The following DTX1 variants were observed in gnomAD, a reference collection of about 807,000 sequenced individuals.
DTX1 encodes E3 ubiquitin-protein ligase DTX1.
DTX1 carries 26 observed loss-of-function variants against 57.8 expected under a neutral mutation model. The observed-to-expected ratio is 0.45, with a 90% CI of 0.33 to 0.62. DTX1 has a LOEUF of 0.62. Among genes scored for constraint, DTX1 ranks in the 20% least tolerant of loss-of-function variants. DTX1 has a pLI of 0.02. For missense variants in DTX1, 704 were observed against 895.3 expected, an observed-to-expected ratio of 0.79 and a Z score of 2.73; for synonymous variants, 398 against 394.1, an observed-to-expected ratio of 1.01 and a Z score of -0.12.
chr12:113,077,690 G>A lies in DTX1; in HGVS notation c.526G>A (p.Ala176Thr). ...RRRLRRRLDLAYPLTVGSIPK... is the reference protein window; with the variant it reads ...RRRLRRRLDLTYPLTVGSIPK... The stretch of plus-strand genomic sequence containing the variant: ...CCGCCTGCGCCGCCGCCTGGACCTC[G>A]CCTACCCGCTCACCGTGGGCTCCAT... The change falls in exon 3 of 10, where the codon GCC becomes ACC. Residue 176 changes from alanine to threonine, a missense_variant. Physicochemically the swap from Ala to Thr is moderately conservative, Grantham distance 58. This residue lies in a region of DTX1 where 237 missense variants were observed against 328.6 expected (regional missense o/e 0.72). Transcript: ENST00000548759. This position sits in a 1 kb window ranked among gnomAD's most constrained non-coding sequence, Gnocchi z 7.8. The A allele has an allele frequency of 6.4e-7, 1 of 1,553,670 alleles. No homozygotes were observed. Among genetic ancestry groups the A allele is most frequent in the Non-Finnish European group, 8.7e-7 (1 of 1,154,948 alleles).
intron 6 of DTX1, among the ~76,000 whole-genome samples, 175 bp from the exon 7 acceptor site, chr12:113,094,614 G>T (rs1950272360): frequency 6.6e-6 from 1 of 152,180 alleles, no homozygotes; most frequent in African/African-American, 2.4e-5. Context: ...TAACGAAGAA[G>T]AAGAAAAGAA....
intron 3 of DTX1, among the ~76,000 whole-genome samples, chr12:113,082,774 T>G (rs570001705): frequency 6.6e-6 from 1 of 152,226 alleles, no homozygotes; most frequent in South Asian, 2.1e-4. Flanking sequence ...TTTTTAAAAT[T>G]TTTTGTAGGG....
rs115945382 is a variant in DTX1, at chr12:113,059,958, G to A, written c.259+1507G>A. The stretch of plus-strand genomic sequence containing the variant: ...CCAGAACATTGCATTGTTGCAGAAA[G>A]TTCTATTACACCATGCTAGTTAGAA... On this transcript the variant is annotated intron_variant, in intron 2 of 9. Transcript: ENST00000548759. 4.6e-3 allele frequency among the ~76,000 whole-genome samples: 653 copies of A among 142,218 alleles called. 7 individuals carry two copies. The highest frequency in any genetic ancestry group is 0.016 in the African/African-American group (618 of 38,242). The allele number at this position is 142,218 out of a possible 152,430, so 93.3% of individuals were successfully genotyped here.
intron 2 of DTX1, among the ~76,000 whole-genome samples, chr12:113,058,879 A>G (rs2044648529): frequency 6.6e-6 from 1 of 152,182 alleles, no homozygotes; most frequent in African/African-American, 2.4e-5. Flanking sequence ...TTGTATTATT[A>G]TGAGTCCCAT....
intron 2 of DTX1, among the ~76,000 whole-genome samples, chr12:113,071,265 G>A (rs558958229): frequency 3.2e-4 from 48 of 152,192 alleles, no homozygotes; most frequent in Non-Finnish European, 6.0e-4. Flanking sequence ...CCCCACACCC[G>A]GTCTCAGGGG....
rs568393183 is a variant in DTX1 at position 113,059,283 on chromosome 12, G to A, written c.259+832G>A. 9.1e-4 allele frequency among the ~76,000 whole-genome samples: 138 copies of A among 152,204 alleles called. 1 individual carries two copies. Among genetic ancestry groups the A allele is most frequent in the African/African-American group, 3.3e-3 (135 of 41,508 alleles). On this transcript the variant is annotated intron_variant, in intron 2 of 9. Coordinates refer to ENST00000548759, the MANE Select transcript of DTX1 (RefSeq NM_004416.3). The stretch of plus-strand genomic sequence containing the variant: ...TGGTGACATTGATAGTTGTGTTGGT[G>A]GTGGTGCTGGAAGTGGTGTGATGGG...
chr12:113,058,264 G>A lies in DTX1; in HGVS notation c.72G>A (p.Arg24=), dbSNP rs756177831. Residue 24 remains arginine (R), a synonymous_variant, in exon 2 of 10, where the codon CGG becomes CGA. Transcript: ENST00000548759. ...GCTTCCCACCGCAGAACGTGGCCCG[G>A]GTGGTGGTGTGGGAGTGGCTGAATG... ...GLGFPPQNVA[R]VVVWEWLNEH... 1.2e-6 allele frequency: 2 copies of A among 1,613,782 alleles called. No individual in the cohort carries two copies. Among genetic ancestry groups the A allele is most frequent in the Non-Finnish European group, 8.5e-7 (1 of 1,180,000 alleles).
In DTX1 at chr12:113,058,357, C is replaced by G. The variant is rs374367644; in HGVS notation, c.165C>G (p.Asp55Glu). The G allele has an allele frequency of 1.9e-6, 3 of 1,612,700 alleles. No homozygotes were observed. The highest frequency in any genetic ancestry group is 2.5e-6 in the Non-Finnish European group (3 of 1,180,032). ...CHHIENVLKE[D>E]ARGSVVLGQV... Reference sequence around the variant, plus strand: ...ACATTGAGAACGTGCTGAAGGAGGACGCTCGCGGTTCCGTGGTCCTGGGGC... The same window carrying G: ...ACATTGAGAACGTGCTGAAGGAGGAGGCTCGCGGTTCCGTGGTCCTGGGGC... Residue 55 changes from aspartate to glutamate, a missense_variant, in exon 2 of 10, where the codon GAC (aspartate) becomes GAG (glutamate). Physicochemically the swap from Asp to Glu is conservative, Grantham distance 45. Around this residue, in one of 3 missense-constraint regions of DTX1, gnomAD observed 237 missense variants for 328.6 expected, o/e 0.72. Transcript: ENST00000548759.
intron 3 of DTX1, among the ~76,000 whole-genome samples, chr12:113,082,116 C>A (rs1371812203): frequency 1.1e-4 from 16 of 152,286 alleles, no homozygotes; most frequent in Admixed American, 3.3e-4. Context: ...TCCTGCCCCT[C>A]CCCTTGGGGA....
At chr12:113,088,292 A>T (rs999133107) in intron 3 of DTX1, among the ~76,000 whole-genome samples, 3 of 152,212 alleles carry the variant, frequency 2.0e-5, no homozygotes, top group Non-Finnish European at 4.4e-5. Context: ...CACTGTGTTG[A>T]GGAGGATTCT....
chr12:113,094,864 C>A lies in DTX1; in HGVS notation c.1303C>A (p.Pro435Thr). Residue 435 changes from proline (P) to threonine (T), a missense_variant, in exon 7 of 10, where the codon CCT becomes ACT. Physicochemically the swap from Pro to Thr is conservative, Grantham distance 38. Transcript: ENST00000548759. ...CGTGCTTCGGCACAAGGGCGTGCGG[C>A]CTGAGCTCGTGGGCCGCCTGGGCCG... ...EGVLRHKGVRPELVGRLGRCG... is the reference protein window; with the variant it reads ...EGVLRHKGVRTELVGRLGRCG... 6.2e-7 allele frequency: 1 copy of A among 1,613,756 alleles called. No individual in the cohort carries two copies.
chr12:113,091,444 T>G (rs1950246189), intron 3 of DTX1, among the ~76,000 whole-genome samples: 1 of 123,818 alleles, frequency 8.1e-6, no homozygotes, highest in South Asian at 2.3e-4. Flanking sequence ...TCTGTGTGTC[T>G]GTGTGTGCAT....
Position 113,093,140 on chromosome 12 carries a change from G to T in DTX1, c.942-22G>T, listed in dbSNP as rs764487338. On this transcript the variant is annotated intron_variant, in intron 3 of 9. Coordinates refer to ENST00000548759, the MANE Select transcript of DTX1 (RefSeq NM_004416.3). This position sits in a 1 kb window ranked among gnomAD's most constrained non-coding sequence, Gnocchi z 4.2. Reference sequence around the variant, plus strand: ...CTTCGGGGGCTGGAGTCCAGCTGCGGCCTCTTCTCTTCTCCCCGCAGGGTC... The same window carrying T: ...CTTCGGGGGCTGGAGTCCAGCTGCGTCCTCTTCTCTTCTCCCCGCAGGGTC... 1 of 1,580,706 alleles carries T rather than the reference G, an allele frequency of 6.3e-7. No homozygotes were observed. Among genetic ancestry groups the T allele is most frequent in the Non-Finnish European group, 8.6e-7 (1 of 1,163,320 alleles).
chr12:113,061,375 A>C (rs61942305), intron 2 of DTX1, among the ~76,000 whole-genome samples: 6,568 of 152,314 alleles, frequency 0.043, 249 homozygotes, highest in Non-Finnish European at 0.074. Context: ...CTCACCAGAT[A>C]TGTGAGGGTT....
chr12:113,090,285 A>G (rs1166674324), intron 3 of DTX1, among the ~76,000 whole-genome samples: 1 of 152,158 alleles, frequency 6.6e-6, no homozygotes, highest in African/African-American at 2.4e-5. Context: ...GCATTCCTAT[A>G]AAAGTATAGA....
At chr12:113,095,540 C>T in intron 9 of DTX1, 126 bp downstream of exon 9, 1 of 1,193,078 alleles carries the variant, frequency 8.4e-7, no homozygotes, top group Non-Finnish European at 1.2e-6. Context: ...AAGCAGCACC[C>T]GAACAGTAAC....
chr12:113,077,854 C>A lies in DTX1; in HGVS notation c.690C>A (p.Pro230=). ...ASQRRKAPPA[P]PLPPPPPPGG... ...AGCGCCGCAAGGCGCCCCCCGCGCC[C>A]CCGCTGCCGCCGCCGCCGCCACCTG... The change falls in exon 3 of 10, where the codon CCC becomes CCA. Residue 230 remains proline (P), a synonymous_variant. Transcript: ENST00000548759. This position sits in a 1 kb window ranked among gnomAD's most constrained non-coding sequence, Gnocchi z 7.8. 1 of 1,321,462 alleles carries A rather than the reference C, an allele frequency of 7.6e-7. No individual in the cohort carries two copies. Among genetic ancestry groups the A allele is most frequent in the Admixed American group, 4.1e-5 (1 of 24,490 alleles). 81.9% of individuals were successfully genotyped at this position (1,321,462 alleles called of 1,614,324 possible). A position where few individuals can be genotyped will look rare whatever the true frequency, so the allele number is the denominator to read the frequency against.
rs2044630624 is a variant in DTX1 at position 113,057,190 on chromosome 12, G to T, written c.-745+246G>T. Among the ~76,000 whole-genome samples the T allele has an allele frequency of 2.0e-5, 3 of 151,978 alleles. 1 individual carries two copies. The highest frequency in any genetic ancestry group is 2.9e-5 in the Non-Finnish European group (2 of 67,944). On this transcript the variant is annotated intron_variant, in intron 1 of 9. Transcript: ENST00000548759. Reference sequence around the variant, plus strand: ...GCACCCGGCATCCCCCCGGCAGGGCGAGGGCCCCGGGGGAAGGGAAGGCTC... The same window carrying T: ...GCACCCGGCATCCCCCCGGCAGGGCTAGGGCCCCGGGGGAAGGGAAGGCTC...
chr12:113,065,704 T>A (rs558025298), intron 2 of DTX1, among the ~76,000 whole-genome samples: 7 of 149,306 alleles, frequency 4.7e-5, no homozygotes, highest in African/African-American at 1.5e-4. Context: ...GTGGAGGGGA[T>A]GGTGAAGAAG....
Sources: gnomAD v4.1 joint callset for allele counts (sites outside exome capture counted in the v4.1 genomes callset) on GRCh38, gnomAD v4.1.1 for gene constraint, gnomAD v4.1.1 regional missense constraint, Gnocchi (gnomAD v3.1) non-coding constraint, MANE v1.5 for transcripts, NCBI Gene and HGNC (gene_info 2026-07-23, HGNC 2026-07-21) for gene names.